The following SPON1 variants were observed in gnomAD, a reference collection of about 807,000 sequenced individuals.
SPON1 encodes spondin-1.
SPON1 carries 52 observed loss-of-function variants against 111.7 expected under a neutral mutation model. That is an observed-to-expected ratio of 0.47 (90% CI 0.37 to 0.59). The LOEUF is 0.59. Among genes scored for constraint, SPON1 ranks in the 20% least tolerant of loss-of-function variants. SPON1 has a pLI of 0.00. For synonymous variants in SPON1, 410 were observed against 395.8 expected, an observed-to-expected ratio of 1.04 and a Z score of -0.43; for missense variants, 957 against 1,068.5, an observed-to-expected ratio of 0.90 and a Z score of 1.46.
intron 1 of SPON1, among the ~76,000 whole-genome samples, chr11:13,982,272 G>C (rs1348891192): frequency 6.6e-6 from 1 of 152,192 alleles, no homozygotes; most frequent in African/African-American, 2.4e-5. Context: ...GTCTTGGCAT[G>C]TGTCTTGGCC....
intron 5 of SPON1, among the ~76,000 whole-genome samples, chr11:14,088,466 T>A (rs1305290064): frequency 6.6e-6 from 1 of 152,228 alleles, no homozygotes; most frequent in East Asian, 1.9e-4. Flanking sequence ...CCCCCCACTC[T>A]CTTCTGGCTT....
chr11:14,007,162 C>A (rs1196870572), intron 2 of SPON1, among the ~76,000 whole-genome samples: 1 of 152,190 alleles, frequency 6.6e-6, no homozygotes, highest in Non-Finnish European at 1.5e-5. Context: ...AACCTAGATC[C>A]CTTGCATGTG....
chr11:14,027,949 A>C (rs1280598280), intron 2 of SPON1, among the ~76,000 whole-genome samples: 1 of 152,190 alleles, frequency 6.6e-6, no homozygotes. Context: ...ACATGGTTCT[A>C]TTTTTTAAAA....
At position 14,008,112 on chromosome 11, in the gene SPON1, A is replaced by G. The variant is rs545168862; in HGVS notation, c.345+25159A>G. 3.9e-5 allele frequency among the ~76,000 whole-genome samples: 6 copies of G among 152,306 alleles called. No individual in the cohort carries two copies. In the East Asian group the frequency reaches 1.2e-3, roughly 29 times the overall value. On this transcript the variant is annotated intron_variant, in intron 2 of 15. Coordinates refer to ENST00000576479, the MANE Select transcript of SPON1 (RefSeq NM_006108.4). ...TCTGCATCCACTGATTCAGCCAAAA[A>G]TATTGGAAAAATAAAAATTAAAAAT...
chr11:14,068,411 T>C (rs1408836757), intron 3 of SPON1, among the ~76,000 whole-genome samples: 3 of 152,146 alleles, frequency 2.0e-5, no homozygotes, highest in African/African-American at 7.2e-5. Flanking sequence ...TGGGAATGGG[T>C]TGTAGTCTTG....
At chr11:14,043,550 A>C (rs1230204285) in intron 3 of SPON1, among the ~76,000 whole-genome samples, 2 of 152,204 alleles carry the variant, frequency 1.3e-5, no homozygotes, top group Non-Finnish European at 2.9e-5. Context: ...TAGCCCAGAG[A>C]CTGGGTTCCC....
intron 6 of SPON1, among the ~76,000 whole-genome samples, chr11:14,168,998 A>G (rs1173558879): frequency 2.2e-4 from 33 of 152,280 alleles, no homozygotes; most frequent in African/African-American, 7.9e-4. Context: ...ATGATTTATA[A>G]TCCTTTGGGT....
At chr11:14,149,442 G>A (rs1478984741) in intron 6 of SPON1, among the ~76,000 whole-genome samples, 1 of 152,186 alleles carries the variant, frequency 6.6e-6, no homozygotes, top group Non-Finnish European at 1.5e-5. Context: ...GTAAAAAAAA[G>A]TGTATAAAGT....
intron 2 of SPON1, among the ~76,000 whole-genome samples, chr11:14,041,071 G>C (rs1325542172): frequency 1.3e-5 from 2 of 152,032 alleles, no homozygotes; most frequent in African/African-American, 4.8e-5. Flanking sequence ...TATGAAGCTG[G>C]GATACTTTAT....
intron 3 of SPON1, among the ~76,000 whole-genome samples, chr11:14,065,003 T>A (rs1848821120): frequency 6.6e-6 from 1 of 152,156 alleles, no homozygotes; most frequent in South Asian, 2.1e-4. Flanking sequence ...TACAGTTTTT[T>A]CAGGGGTTCA....
chr11:14,061,396 C>CTA, intron 3 of SPON1, among the ~76,000 whole-genome samples: 1 of 152,318 alleles, frequency 6.6e-6, no homozygotes, highest in African/African-American at 2.4e-5. Context: ...ATCCATCCAC[C>CTA]TATCCAGTCA....
chr11:14,015,443 C>G (rs1256739648), intron 2 of SPON1, among the ~76,000 whole-genome samples: 1 of 152,184 alleles, frequency 6.6e-6, no homozygotes, highest in Admixed American at 6.5e-5. Context: ...GCCCTCATGA[C>G]TTAATCACCT....
chr11:14,241,274 A>G (rs1848923398), intron 6 of SPON1, among the ~76,000 whole-genome samples: 1 of 152,228 alleles, frequency 6.6e-6, no homozygotes, highest in Admixed American at 6.5e-5. Flanking sequence ...ATTAAAAATC[A>G]AAGAAAAAAA....
intron 7 of SPON1, among the ~76,000 whole-genome samples, chr11:14,252,335 G>A (rs1554940736): frequency 9.4e-5 from 14 of 148,384 alleles, no homozygotes; most frequent in African/African-American, 2.7e-4. Flanking sequence ...TGGGAATCCA[G>A]CGCTATGTAT....
intron 2 of SPON1, among the ~76,000 whole-genome samples, chr11:13,998,800 C>A (rs1554912114): frequency 6.6e-6 from 1 of 152,234 alleles, no homozygotes; most frequent in East Asian, 1.9e-4. Flanking sequence ...CTCCTACTTT[C>A]TTGCATGGAA....
At chr11:14,195,568 A>G (rs1307295425) in intron 6 of SPON1, among the ~76,000 whole-genome samples, 2 of 152,212 alleles carry the variant, frequency 1.3e-5, no homozygotes, top group Non-Finnish European at 2.9e-5. Flanking sequence ...GTCAGGTCCT[A>G]TACTTGGGCC....
At chr11:14,211,228 A>T (rs1188067648) in intron 6 of SPON1, among the ~76,000 whole-genome samples, 1 of 151,976 alleles carries the variant, frequency 6.6e-6, no homozygotes, top group Non-Finnish European at 1.5e-5. Context: ...TATTTAGAAA[A>T]CCCCATCGTC....
chr11:14,230,453 G>T (rs187491904), intron 6 of SPON1, among the ~76,000 whole-genome samples: 3 of 152,270 alleles, frequency 2.0e-5, no homozygotes, highest in Admixed American at 6.5e-5. Context: ...TGAAACTGCC[G>T]TTACTTTAAA....
intron 3 of SPON1, among the ~76,000 whole-genome samples, chr11:14,045,398 G>A (rs1223177522): frequency 6.6e-6 from 1 of 151,946 alleles, no homozygotes; most frequent in African/African-American, 2.4e-5. Context: ...CCAACATGGT[G>A]AAACCCCCGT....
Sources: allele counts gnomAD v4.1 joint callset (sites outside exome capture counted in the v4.1 genomes callset), GRCh38; gene constraint gnomAD v4.1.1; transcripts MANE v1.5; gene names NCBI Gene and HGNC (gene_info 2026-07-23, HGNC 2026-07-21).